The following SDK2 variants were observed in gnomAD, a reference collection of about 807,000 sequenced individuals.
SDK2 encodes sidekick cell adhesion molecule 2, also known as protein sidekick-2.
Under a neutral mutation model 253.9 loss-of-function variants are expected in SDK2, and 105 were observed. The ratio of observed to expected loss-of-function variants is 0.41; its 90% confidence interval spans 0.35 to 0.49. SDK2 has a LOEUF of 0.49. Among genes scored for constraint, SDK2 ranks in the 20% least tolerant of loss-of-function variants. The probability of loss-of-function intolerance (pLI) is 0.06; values close to 1 mark genes in which losing one functional copy is unlikely to be tolerated. For synonymous variants in SDK2, 1,249 were observed against 1,234.9 expected (o/e 1.01, Z -0.24); for missense variants, 2,608 against 3,003.0 (o/e 0.87, Z 3.07).
chr17:73,448,188 A>G (rs2063467042), intron 4 of SDK2, among the ~76,000 whole-genome samples: 1 of 152,224 alleles, frequency 6.6e-6, no homozygotes, highest in African/African-American at 2.4e-5. Flanking sequence ...CGGTGAATGA[A>G]TAAGTAAATG....
At chr17:73,559,114 T>C (rs549602224) in intron 1 of SDK2, among the ~76,000 whole-genome samples, 2 of 152,210 alleles carry the variant, frequency 1.3e-5, no homozygotes, top group East Asian at 3.9e-4. Context: ...AAATACTGAT[T>C]TCAACTGGAC....
Position 73,570,735 on chromosome 17 carries a change from A to C in SDK2, c.65-63138T>G, listed in dbSNP as rs895230226. Among the ~76,000 whole-genome samples, 1 of 152,228 alleles carries C rather than the reference A, an allele frequency of 6.6e-6. No homozygotes were observed. The highest frequency in any genetic ancestry group is 2.4e-5 in the African/African-American group (1 of 41,468). On this transcript the variant is annotated intron_variant, in intron 1 of 44. Transcript: ENST00000392650. This position sits in a 1 kb window ranked among gnomAD's most constrained non-coding sequence, Gnocchi z 4.2. ...CCGTGGCAGAACTCATATCAAAGCC[A>C]GGTCAGTCTCTAACACCGGAGCCCT...
Position 73,350,240 on chromosome 17 carries a change from G to C in SDK2, c.6035C>G (p.Thr2012Ser), listed in dbSNP as rs774602104. Residue 2012 changes from threonine (T) to serine (S), a missense_variant, in exon 43 of 45, where the codon ACC becomes AGC. Physicochemically the swap from Thr to Ser is moderately conservative, Grantham distance 58. This residue lies in a region of SDK2 where 1,103 missense variants were observed against 1,143.9 expected (regional missense o/e 0.96). Transcript: ENST00000392650. ...NSFCRKNGLYTRSPPRPSPGS... is the reference protein window; with the variant it reads ...NSFCRKNGLYSRSPPRPSPGS... ...ACCCACGCAGAGGGCCCAGTACCTG[G>C]TGTACAGGCCGTTCTTTCGGCAGAA... 6.8e-6 allele frequency: 6 copies of C among 881,178 alleles called. No individual in the cohort carries two copies. Among genetic ancestry groups the C allele is most frequent in the East Asian group, 5.6e-5 (1 of 17,970 alleles). The allele number at this position is 881,178 out of a possible 1,614,324, so 54.6% of individuals were successfully genotyped here.
chr17:73,492,371 GCC>G (rs1223708710), intron 2 of SDK2, among the ~76,000 whole-genome samples: 1 of 152,118 alleles, frequency 6.6e-6, no homozygotes, highest in Non-Finnish European at 1.5e-5. Context: ...GTGTTTGAGT[GCC>G]GCGGTGGCTG....
intron 39 of SDK2, 82 bp from the exon 40 acceptor site, chr17:73,358,286 A>G (rs1167874665): frequency 6.6e-7 from 1 of 1,518,988 alleles, no homozygotes; most frequent in Admixed American, 2.3e-5. Flanking sequence ...GAGGAGGAAC[A>G]CTGGGTGACA....
chr17:73,398,242 C>G, intron 23 of SDK2, 57 bp from the exon 24 acceptor site: 1 of 1,599,896 alleles, frequency 6.3e-7, no homozygotes, highest in East Asian at 2.2e-5. Flanking sequence ...ACTCTCAACC[C>G]TGTCCTGGTC....
chr17:73,486,563 T>A (rs557399824), intron 2 of SDK2, among the ~76,000 whole-genome samples: 2 of 148,092 alleles, frequency 1.4e-5, no homozygotes, highest in African/African-American at 5.0e-5. Context: ...TAAGCTATGA[T>A]TGCACCACTG....
chr17:73,480,443 A>G (rs192858768), intron 2 of SDK2, among the ~76,000 whole-genome samples: 150 of 152,326 alleles, frequency 9.8e-4, no homozygotes, highest in African/African-American at 3.5e-3. Flanking sequence ...AGGCCCAGGA[A>G]GAAGGAGCTG....
rs1379559755 is a variant in SDK2 at position 73,481,393 on chromosome 17, T to C, written c.225-9175A>G. On this transcript the variant is annotated intron_variant, in intron 2 of 44. Transcript: ENST00000392650. The surrounding 1 kb of genome is among the most constrained non-coding windows in gnomAD (Gnocchi z 4.5). ...GTGATGGTTAATTTTAGGTGTCAAC[T>C]TGACTGGGATGAAGGATGCCTGCCC... is the stretch of plus-strand genomic sequence containing the variant. 6.6e-6 allele frequency among the ~76,000 whole-genome samples: 1 copy of C among 152,108 alleles called. No homozygotes were observed. The highest frequency in any genetic ancestry group is 1.5e-5 in the Non-Finnish European group (1 of 68,018).
At chr17:73,440,533 G>A (rs1024745275) in intron 6 of SDK2, among the ~76,000 whole-genome samples, 7 of 152,212 alleles carry the variant, frequency 4.6e-5, no homozygotes, top group African/African-American at 1.7e-4. Flanking sequence ...TTAGAAGTGA[G>A]TCCACCCTCC....
intron 1 of SDK2, among the ~76,000 whole-genome samples, chr17:73,529,009 A>G (rs2064148375): frequency 6.6e-6 from 1 of 152,056 alleles, no homozygotes; most frequent in African/African-American, 2.4e-5. Flanking sequence ...AGGTCTTCTC[A>G]TTGTTGCCCC....
chr17:73,472,096 T>C lies in SDK2; in HGVS notation c.331+16A>G, dbSNP rs1599598700. 3.9e-6 allele frequency: 6 copies of C among 1,539,686 alleles called. No homozygotes were observed. Among genetic ancestry groups the C allele is most frequent in the Non-Finnish European group, 5.3e-6 (6 of 1,137,076 alleles). ...CACAGTCGCCCCCCCTGCCCCTGGG[T>C]CCCCATTGTACTCACAGGCCACCTG... On this transcript the variant is annotated intron_variant, in intron 3 of 44. Coordinates refer to ENST00000392650, the MANE Select transcript of SDK2 (RefSeq NM_001144952.2).
In SDK2 at chr17:73,534,801, C is replaced by G. The variant is rs1224635500; in HGVS notation, c.65-27204G>C. Among the ~76,000 whole-genome samples, 16 of 152,160 alleles carry G rather than the reference C, an allele frequency of 1.1e-4. No homozygotes were observed. The highest frequency in any genetic ancestry group is 1.0e-3 in the Admixed American group (16 of 15,280). On this transcript the variant is annotated intron_variant, in intron 1 of 44. Coordinates refer to ENST00000392650, the MANE Select transcript of SDK2 (RefSeq NM_001144952.2). This position sits in a 1 kb window ranked among gnomAD's most constrained non-coding sequence, Gnocchi z 4.9. ...AAGCGGCTTCTATTACCTAAACTCC[C>G]CTTCTTCTCAGTAGGCTGGGGGCAG...
intron 40 of SDK2, among the ~76,000 whole-genome samples, chr17:73,356,518 C>T (rs889053242): frequency 6.6e-6 from 1 of 152,116 alleles, no homozygotes; most frequent in East Asian, 1.9e-4. Context: ...CTGCCTAGCA[C>T]GAAGCACAAG....
chr17:73,358,191 C>T lies in SDK2; in HGVS notation c.5481G>A (p.Pro1827=), dbSNP rs367842935. The change falls in exon 40 of 45, where the codon CCG becomes CCA. Residue 1827 remains proline (P), a synonymous_variant. Transcript: ENST00000392650. ...ACCGCACGATGATGGGCACGCCAGG[C>T]GGTCCTGGGGCACCTGCAGACAGCA... ...TTGPGEGAPG[P]PGVPIIVRYS... 38 of 1,605,654 alleles carry T rather than the reference C, an allele frequency of 2.4e-5. No homozygotes were observed. Among genetic ancestry groups the T allele is most frequent in the Admixed American group, 1.7e-4 (10 of 57,540 alleles).
At chr17:73,601,240 G>A (rs1024897468) in intron 1 of SDK2, among the ~76,000 whole-genome samples, 16 of 151,976 alleles carry the variant, frequency 1.1e-4, no homozygotes, top group African/African-American at 3.1e-4. Flanking sequence ...GGCTGGTCTC[G>A]AACTCCTGAC....
chr17:73,567,986 T>A (rs114921592), intron 1 of SDK2, among the ~76,000 whole-genome samples: 2,289 of 152,276 alleles, frequency 0.015, 71 homozygotes, highest in African/African-American at 0.053. Context: ...TGGAAAAAAA[T>A]GATTATATTT....
At chr17:73,415,700 G>T (rs1287081815) in intron 17 of SDK2, 111 bp downstream of exon 17, 5 of 945,624 alleles carry the variant, frequency 5.3e-6, no homozygotes, top group Non-Finnish European at 6.3e-6. Context: ...TGTTGCCCAG[G>T]CTGGCTTAAA....
chr17:73,391,492 C>T lies in SDK2; in HGVS notation c.3945G>A (p.Thr1315=), dbSNP rs751976433. The T allele has an allele frequency of 6.9e-6, 9 of 1,309,222 alleles. No individual in the cohort carries two copies. Among genetic ancestry groups the T allele is most frequent in the Admixed American group, 3.1e-5 (1 of 32,370 alleles). 81.1% of individuals were successfully genotyped at this position (1,309,222 alleles called of 1,614,324 possible). A position where few individuals can be genotyped will look rare whatever the true frequency, so the allele number is the denominator to read the frequency against. ...GGGGCTGCCAGATCAGCCGCACAGA[C>T]GTGGTCCGCACCTCTGGGAACAGGA... ...MGILFPEVRT[T]SVRLIWQPPA... Residue 1315 remains threonine, a synonymous_variant, in exon 28 of 45, where the codon ACG becomes ACA. Coordinates refer to ENST00000392650, the MANE Select transcript of SDK2 (RefSeq NM_001144952.2).
Sources: gnomAD v4.1 joint callset for allele counts (sites outside exome capture counted in the v4.1 genomes callset) on GRCh38, gnomAD v4.1.1 for gene constraint, gnomAD v4.1.1 regional missense constraint, Gnocchi (gnomAD v3.1) non-coding constraint, MANE v1.5 for transcripts, NCBI Gene and HGNC (gene_info 2026-07-23, HGNC 2026-07-21) for gene names.